The following SLC4A11 variants were observed in gnomAD, a reference collection of about 807,000 sequenced individuals.
SLC4A11 encodes solute carrier family 4 member 11, also known as bicarbonate transporter related protein 1.
SLC4A11 carries 74 observed loss-of-function variants against 95.0 expected under a neutral mutation model. That is an observed-to-expected ratio of 0.78 (90% CI 0.65 to 0.95). The LOEUF is 0.95. Ranked by LOEUF, SLC4A11 falls within the 40% of genes least tolerant of loss-of-function variation. SLC4A11 has a pLI of 0.00. For synonymous variants in SLC4A11, 548 were observed against 519.0 expected (o/e 1.06, Z -0.76); for missense variants, 1,081 against 1,192.4 (o/e 0.91, Z 1.38).
intron 12 of SLC4A11, 91 bp from the exon 13 acceptor site, chr20:3,230,351 C>T: frequency 6.3e-7 from 1 of 1,575,508 alleles, no homozygotes; most frequent in Non-Finnish European, 8.7e-7. Flanking sequence ...TCCCCTGCCT[C>T]CCCCTGCCAG....
intron 2 of SLC4A11, among the ~76,000 whole-genome samples, chr20:3,235,309 TCACACACACACACACACACA>T (rs58744452): frequency 1.6e-4 from 20 of 123,614 alleles, no homozygotes; most frequent in Admixed American, 6.4e-4. Flanking sequence ...TCTCTCTCTC[TCACACACACACACACACACA>T]CACACACACA....
rs2067867375 is a variant in SLC4A11, at chr20:3,233,861, G to A, written c.605+60C>T. On this transcript the variant is annotated intron_variant, in intron 6 of 19. Coordinates refer to ENST00000642402, the MANE Select transcript of SLC4A11 (RefSeq NM_001174089.2). ...GGGCTGGCCTCTGCAGGGCACAGGG[G>A]ACATGGGACACCCAGTTCCACTGCG... The A allele has an allele frequency of 3.1e-6, 5 of 1,589,640 alleles. No homozygotes were observed. In the South Asian group the frequency reaches 5.5e-5, roughly 18 times the overall value.
At position 3,229,235 on chromosome 20, in the gene SLC4A11, C is replaced by G; in HGVS notation, c.1878G>C (p.Glu626Asp). 4 of 1,612,978 alleles carry G rather than the reference C, an allele frequency of 2.5e-6. No individual in the cohort carries two copies. The highest frequency in any genetic ancestry group is 1.6e-4 in the Middle Eastern group (1 of 6,062). The part of the protein sequence containing the change: ...EMSKFRYNPS[E>D]SPFAMAQIQS... Reference sequence around the variant, plus strand: ...GGATCTGCGCCATCGCAAAGGGGCTCTCGCTGGGGTTGTAGCGGAACTTGC... The same window carrying G: ...GGATCTGCGCCATCGCAAAGGGGCTGTCGCTGGGGTTGTAGCGGAACTTGC... Residue 626 changes from glutamate to aspartate, a missense_variant, in exon 16 of 20, where the codon GAG (glutamate) becomes GAC (aspartate). Glu to Asp is a conservative substitution (Grantham distance 45, BLOSUM62 2). Transcript: ENST00000642402.
At chr20:3,229,041 C>A in intron 16 of SLC4A11, 30 bp from the exon 17 acceptor site, 5 of 1,603,828 alleles carry the variant, frequency 3.1e-6, no homozygotes, top group Non-Finnish European at 4.3e-6. Context: ...GTGGACAGAG[C>A]CCCACAGCAG....
intron 1 of SLC4A11, chr20:3,238,884 G>A: frequency 8.0e-7 from 1 of 1,250,446 alleles, no homozygotes. Flanking sequence ...GAGCCCTAAT[G>A]AAACCAAGCG....
rs149016022 is a variant in SLC4A11 at position 3,234,091 on chromosome 20, C to A, written c.515G>T (p.Arg172Leu). The change falls in exon 5 of 20, where the codon CGG becomes CTG. Residue 172 changes from arginine to leucine, a missense_variant. Arg to Leu is a moderately radical substitution (Grantham distance 102, BLOSUM62 -2). Transcript: ENST00000642402. This position sits in a 1 kb window ranked among gnomAD's most constrained non-coding sequence, Gnocchi z 5.8. ...CGGGAGACCGGCCTCACCTTTACCC[C>A]GCATGGGTGCCCCGGCATCGGTGAA... ...MLFTDAGAPMRGKVHLLSDTI... is the reference protein window; with the variant it reads ...MLFTDAGAPMLGKVHLLSDTI... 6.2e-7 allele frequency: 1 copy of A among 1,613,828 alleles called. No homozygotes were observed. Among genetic ancestry groups the A allele is most frequent in the Admixed American group, 1.7e-5 (1 of 60,008 alleles).
chr20:3,239,038 G>T (rs1473889380), intron 1 of SLC4A11, 57 bp downstream of exon 1: 48 of 1,456,180 alleles, frequency 3.3e-5, no homozygotes, highest in Non-Finnish European at 3.9e-5. Flanking sequence ...CCCGACGGGA[G>T]ACGGTGGCGG....
rs981419000 is a variant in SLC4A11 at position 3,228,448 on chromosome 20, G to A, written c.2389-20C>T. On this transcript the variant is annotated intron_variant, in intron 18 of 19. Transcript: ENST00000642402. The stretch of plus-strand genomic sequence containing the variant: ...CGCAGTCTGTGGGCGGCAGGGACCG[G>A]GTGTGGGCAGGCATGGGGCTGTGTC... 6.2e-7 allele frequency: 1 copy of A among 1,613,054 alleles called. No individual in the cohort carries two copies. The highest frequency in any genetic ancestry group is 1.6e-4 in the Middle Eastern group (1 of 6,062).
In SLC4A11 at chr20:3,234,011, AGAGT is replaced by A; in HGVS notation, c.524-13_524-10del. On this transcript the variant is annotated splice_polypyrimidine_tract_variant and intron_variant, in intron 5 of 19. Coordinates refer to ENST00000642402, the MANE Select transcript of SLC4A11 (RefSeq NM_001174089.2). The surrounding 1 kb of genome is among the most constrained non-coding windows in gnomAD (Gnocchi z 5.8). ...ATCTGACAGCAGGTGGACTGAGGAA[AGAGT>A]GAGGGGGAGGGTGGTGGGTCAACAG... 1.2e-6 allele frequency: 2 copies of A among 1,613,726 alleles called. No individual in the cohort carries two copies. The highest frequency in any genetic ancestry group is 2.2e-5 in the East Asian group (1 of 44,850).
At chr20:3,238,103 G>A in intron 1 of SLC4A11, 3 of 1,461,138 alleles carry the variant, frequency 2.1e-6, no homozygotes, top group Non-Finnish European at 2.7e-6. Flanking sequence ...ACGCGCCCCG[G>A]GTCACACGGG....
Position 3,227,687 on chromosome 20 carries a change from A to C in SLC4A11, c.*100T>G. ...AGTCAGCCATGAGAAGGCGCAGCACAGAGCAGTCACCCACACACCTACACC... is the reference window on the plus strand; with the variant it reads ...AGTCAGCCATGAGAAGGCGCAGCACCGAGCAGTCACCCACACACCTACACC... On this transcript the variant is annotated 3_prime_UTR_variant, in exon 20 of 20. Transcript: ENST00000642402. The C allele has an allele frequency of 7.7e-7, 1 of 1,293,670 alleles. No homozygotes were observed. The highest frequency in any genetic ancestry group is 1.1e-6 in the Non-Finnish European group (1 of 913,648). 80.1% of individuals were successfully genotyped at this position (1,293,670 alleles called of 1,614,324 possible). A position where few individuals can be genotyped will look rare whatever the true frequency, so the allele number is the denominator to read the frequency against.
rs1383530332 is a variant in SLC4A11, at chr20:3,228,715, G to A, written c.2193-8C>T. 6.2e-7 allele frequency: 1 copy of A among 1,612,484 alleles called. No individual in the cohort carries two copies. Among genetic ancestry groups the A allele is most frequent in the South Asian group, 1.1e-5 (1 of 91,052 alleles). On this transcript the variant is annotated splice_polypyrimidine_tract_variant and splice_region_variant and intron_variant, in intron 17 of 19. Coordinates refer to ENST00000642402, the MANE Select transcript of SLC4A11 (RefSeq NM_001174089.2). ...TCCTTCACGTTCACAATCCTGCGGTGGCCCGAGCCGCGAGTGTCACCTCTG... is the reference window on the plus strand; with the variant it reads ...TCCTTCACGTTCACAATCCTGCGGTAGCCCGAGCCGCGAGTGTCACCTCTG...
chr20:3,228,917 C>T lies in SLC4A11; in HGVS notation c.2113G>A (p.Ala705Thr), dbSNP rs751358233. Residue 705 changes from alanine to threonine, a missense_variant, in exon 17 of 20, where the codon GCC becomes ACC. Coordinates refer to ENST00000642402, the MANE Select transcript of SLC4A11 (RefSeq NM_001174089.2). Reference protein sequence around the residue: ...SLFGLPWIHAAYPHSPLHVRA... With the variant: ...SLFGLPWIHATYPHSPLHVRA... ...ACGTGCAGCGGGGAGTGGGGGTAGG[C>T]GGCATGGATCCAAGGCAGCCCAAAC... 10 of 1,613,944 alleles carry T rather than the reference C, an allele frequency of 6.2e-6. No individual in the cohort carries two copies. In the Middle Eastern group the frequency reaches 6.6e-4, roughly 106 times the overall value.
Position 3,239,181 on chromosome 20 carries a change from C to T in SLC4A11, c.-44G>A. The stretch of plus-strand genomic sequence containing the variant: ...CGGCCGGGCTCCTCACGCGGCGCTC[C>T]GGCGCTTCTGGACCCCAAACTCGGC... On this transcript the variant is annotated 5_prime_UTR_variant, in exon 1 of 20. Transcript: ENST00000642402. 2.8e-6 allele frequency: 4 copies of T among 1,427,388 alleles called. No individual in the cohort carries two copies. Among genetic ancestry groups the T allele is most frequent in the Non-Finnish European group, 3.7e-6 (4 of 1,090,820 alleles). 88.4% of individuals were successfully genotyped at this position (1,427,388 alleles called of 1,614,324 possible).
At chr20:3,237,838 A>T in intron 1 of SLC4A11, 1 of 1,557,026 alleles carries the variant, frequency 6.4e-7, no homozygotes, top group African/African-American at 1.4e-5. Context: ...GGCGGGCCAG[A>T]GGCGAGGAGG....
In SLC4A11 at chr20:3,230,636, T is replaced by C. The variant is rs1312058546; in HGVS notation, c.1294A>G (p.Ile432Val). ...LALYIQVIRV[I>V]CDDYDLDFNS... is the part of the protein sequence containing the mutation. ...AAGTCCAGGTCATAGTCATCACAGA[T>C]GACACGAATCACTGCAGGCAGGGGG... The change falls in exon 12 of 20, where the codon ATC becomes GTC. Residue 432 changes from isoleucine (I) to valine (V), a missense_variant. Physicochemically the swap from Ile to Val is conservative, Grantham distance 29. Transcript: ENST00000642402. 5 of 1,613,566 alleles carry C rather than the reference T, an allele frequency of 3.1e-6. No homozygotes were observed. The highest frequency in any genetic ancestry group is 3.4e-6 in the Non-Finnish European group (4 of 1,180,024).
Position 3,238,955 on chromosome 20 carries a change from G to A in SLC4A11, c.43+140C>T, listed in dbSNP as rs2068073662. The A allele has an allele frequency of 3.2e-6, 4 of 1,267,388 alleles. No individual in the cohort carries two copies. The African/African-American group carries it at 4.7e-5, about 15-fold the overall frequency. The allele number at this position is 1,267,388 out of a possible 1,614,324, so 78.5% of individuals were successfully genotyped here. ...ACCCGCGCCCTCCTCCCCGCGGCTG[G>A]GAATCCCGCAGCCCTCTCGCCCACC... On this transcript the variant is annotated intron_variant, in intron 1 of 19. Transcript: ENST00000642402.
rs144846584 is a variant in SLC4A11 at position 3,228,661 on chromosome 20, C to T, written c.2239G>A (p.Val747Ile). ...ETRLTSLGAS[V>I]LVGLSLLLLP... ...AGCAACAGGGACAGGCCCACCAGGACGCTGGCGCCCAGCGAGGTCAGCCGC... is the reference window on the plus strand; with the variant it reads ...AGCAACAGGGACAGGCCCACCAGGATGCTGGCGCCCAGCGAGGTCAGCCGC... Residue 747 changes from valine to isoleucine, a missense_variant, in exon 18 of 20, where the codon GTC becomes ATC. Coordinates refer to ENST00000642402, the MANE Select transcript of SLC4A11 (RefSeq NM_001174089.2). The T allele has an allele frequency of 4.0e-5, 65 of 1,612,860 alleles. No individual in the cohort carries two copies. In the African/African-American group the frequency reaches 6.7e-4, roughly 17 times the overall value.
At chr20:3,227,941 C>T (rs2067586819) in intron 19 of SLC4A11, 85 bp from the exon 20 acceptor site, 2 of 1,313,320 alleles carry the variant, frequency 1.5e-6, no homozygotes, top group African/African-American at 1.5e-5. Flanking sequence ...AGCCCACCCA[C>T]AGGGCCAGGC....
Sources: allele counts gnomAD v4.1 joint callset (sites outside exome capture counted in the v4.1 genomes callset), GRCh38; gene constraint gnomAD v4.1.1; non-coding constraint Gnocchi (gnomAD v3.1); transcripts MANE v1.5; gene names NCBI Gene and HGNC (gene_info 2026-07-23, HGNC 2026-07-21).